ANKRD27: variants seen among roughly 807,000 people sequenced by gnomAD.
The protein encoded by ANKRD27 is ankyrin repeat domain 27.
Under a neutral mutation model 129.7 loss-of-function variants are expected in ANKRD27, and 112 were observed. That is an observed-to-expected ratio of 0.86 (90% CI 0.74 to 1.01). ANKRD27 has a LOEUF of 1.01. Ranked by LOEUF, ANKRD27 falls within the 50% of genes least tolerant of loss-of-function variation. ANKRD27 has a pLI of 0.00. For missense variants in ANKRD27, 1,258 were observed against 1,300.5 expected, an observed-to-expected ratio of 0.97 and a Z score of 0.50; for synonymous variants, 516 against 511.2, an observed-to-expected ratio of 1.01 and a Z score of -0.13.
chr19:32,673,238 G>GT, intron 1 of ANKRD27: 1 of 953,454 alleles, frequency 1.0e-6, no homozygotes, highest in Non-Finnish European at 1.2e-6. Context: ...ACTTGGGAAT[G>GT]TAAGTCTATC....
chr19:32,652,222 G>C (rs1401629369), intron 2 of ANKRD27, among the ~76,000 whole-genome samples: 2 of 152,216 alleles, frequency 1.3e-5, no homozygotes, highest in Non-Finnish European at 2.9e-5. Flanking sequence ...AGAAGGTGGG[G>C]ACCCAGAAAT....
intron 23 of ANKRD27, 38 bp from the exon 24 acceptor site, chr19:32,605,992 A>G: frequency 2.6e-6 from 4 of 1,559,264 alleles, no homozygotes; most frequent in Non-Finnish European, 3.5e-6. Flanking sequence ...CTTAATCAAA[A>G]TTTCTGTCAT....
At chr19:32,614,566 G>A (rs1288587534) in intron 22 of ANKRD27, among the ~76,000 whole-genome samples, 5 of 152,020 alleles carry the variant, frequency 3.3e-5, no homozygotes, top group East Asian at 1.9e-4. Flanking sequence ...TTAGCTGGGC[G>A]TGGTGGTGGG....
At chr19:32,609,449 A>C (rs1426142639) in intron 22 of ANKRD27, among the ~76,000 whole-genome samples, 2 of 152,188 alleles carry the variant, frequency 1.3e-5, no homozygotes, top group Non-Finnish European at 2.9e-5. Context: ...TGAATGAAAC[A>C]ACAAATTCTG....
At chr19:32,629,068 C>A (rs768881480) in intron 13 of ANKRD27, among the ~76,000 whole-genome samples, 2 of 152,148 alleles carry the variant, frequency 1.3e-5, no homozygotes, top group Non-Finnish European at 2.9e-5. Context: ...TTAGAGGCAT[C>A]TGCCACCACA....
chr19:32,611,268 T>C (rs2145265622), intron 22 of ANKRD27, among the ~76,000 whole-genome samples: 1 of 152,292 alleles, frequency 6.6e-6, no homozygotes, highest in Non-Finnish European at 1.5e-5. Flanking sequence ...ACACAGGTAC[T>C]GAGGGCCCGA....
At chr19:32,625,424 T>C (rs1187676228) in intron 17 of ANKRD27, among the ~76,000 whole-genome samples, 3 of 142,462 alleles carry the variant, frequency 2.1e-5, no homozygotes, top group South Asian at 2.3e-4. Flanking sequence ...CTGTAATATA[T>C]TAAACATTCT....
chr19:32,662,067 C>T (rs1469686387), intron 1 of ANKRD27, among the ~76,000 whole-genome samples: 2 of 152,112 alleles, frequency 1.3e-5, no homozygotes, highest in African/African-American at 4.8e-5. Flanking sequence ...AATCCCAGCA[C>T]TTTGGAAGGC....
intron 21 of ANKRD27, 101 bp from the exon 22 acceptor site, chr19:32,615,881 G>A (rs905603543): frequency 4.6e-5 from 69 of 1,493,150 alleles, no homozygotes; most frequent in Middle Eastern, 3.6e-4. Flanking sequence ...CAGGGCCCAC[G>A]CTTCCTTCTC....
chr19:32,614,934 G>C (rs1971891628), intron 22 of ANKRD27, among the ~76,000 whole-genome samples: 1 of 152,194 alleles, frequency 6.6e-6, no homozygotes, highest in Admixed American at 6.5e-5. Context: ...CCTGGGGAAA[G>C]CTGGGAGAGG....
chr19:32,674,044 C>G (rs1192221024), intron 1 of ANKRD27, among the ~76,000 whole-genome samples: 1 of 151,728 alleles, frequency 6.6e-6, no homozygotes, highest in African/African-American at 2.4e-5. Flanking sequence ...GTAGTCCCAG[C>G]TACTACAGAG....
chr19:32,661,413 C>A (rs1165891887), intron 1 of ANKRD27, among the ~76,000 whole-genome samples: 1 of 152,086 alleles, frequency 6.6e-6, no homozygotes, highest in Admixed American at 6.6e-5. Flanking sequence ...TCACCGTAAC[C>A]TTGAACTCCT....
At chr19:32,607,536 C>A (rs1385280547) in intron 23 of ANKRD27, 99 bp downstream of exon 23, 2 of 1,411,122 alleles carry the variant, frequency 1.4e-6, no homozygotes, top group South Asian at 2.5e-5. Flanking sequence ...GCAGTGTCCT[C>A]CAGGGTAGCC....
rs1278143537 is a variant in ANKRD27, at chr19:32,646,472, CT to C, written c.356del (p.Lys119ArgfsTer17). On this transcript the variant is annotated frameshift_variant, in exon 4 of 29. Coordinates refer to ENST00000306065, the MANE Select transcript of ANKRD27 (RefSeq NM_032139.3). LOFTEE classifies it high-confidence loss of function. ...CTCCCAGAATACCTGAACTCTCTCTCTTTTCCAAAGGATGGGCTATACACAG... is the reference window on the plus strand; with the variant it reads ...CTCCCAGAATACCTGAACTCTCTCTCTTTCCAAAGGATGGGCTATACACAG... The part of the protein sequence containing the change: ...SILCIAHPLE[K>X]RESSEEPLAP... 6.2e-7 allele frequency: 1 copy of C among 1,605,890 alleles called. No homozygotes were observed. Among genetic ancestry groups the C allele is most frequent in the South Asian group, 1.1e-5 (1 of 89,914 alleles).
chr19:32,641,344 C>CT (rs1356414753), intron 10 of ANKRD27, among the ~76,000 whole-genome samples: 3 of 152,162 alleles, frequency 2.0e-5, no homozygotes, highest in Non-Finnish European at 4.4e-5. Context: ...CCTAAAGTCT[C>CT]TTTCTTCCTA....
At chr19:32,604,560 A>G (rs1260164625) in intron 24 of ANKRD27, 136 bp from the exon 25 acceptor site, 3 of 914,364 alleles carry the variant, frequency 3.3e-6, no homozygotes, top group East Asian at 2.7e-5. Flanking sequence ...TTTGGGGAGG[A>G]AAAGTAATAC....
At chr19:32,659,836 G>C (rs1014396299) in intron 1 of ANKRD27, among the ~76,000 whole-genome samples, 1 of 152,012 alleles carries the variant, frequency 6.6e-6, no homozygotes, top group African/African-American at 2.4e-5. Context: ...TGTGAGCCCA[G>C]GAGTTCAAGA....
intron 16 of ANKRD27, 53 bp downstream of exon 16, chr19:32,626,659 A>G: frequency 7.0e-7 from 1 of 1,421,520 alleles, no homozygotes; most frequent in Non-Finnish European, 9.6e-7. Context: ...ACCACGCAGA[A>G]CCAAGCTCAC....
intron 18 of ANKRD27, among the ~76,000 whole-genome samples, chr19:32,621,443 A>G (rs1972008458): frequency 2.0e-5 from 3 of 152,184 alleles, no homozygotes; most frequent in African/African-American, 7.2e-5. Context: ...CCTAGCCAAC[A>G]TGGTGAAACC....
Sources: allele counts gnomAD v4.1 joint callset (sites outside exome capture counted in the v4.1 genomes callset), GRCh38; gene constraint gnomAD v4.1.1; transcripts MANE v1.5; gene names NCBI Gene and HGNC (gene_info 2026-07-23, HGNC 2026-07-21).